Variants in C12orf42 observed in about 807,000 individuals in gnomAD.
C12orf42 encodes the protein uncharacterized protein C12orf42.
Under a neutral mutation model 21.6 loss-of-function variants are expected in C12orf42, and 25 were observed. The observed-to-expected ratio is 1.16, with a 90% CI of 0.84 to 1.62. The LOEUF is 1.62. C12orf42 is among the 40% of genes most tolerant of loss of function. The pLI is 0.00. For synonymous variants in C12orf42, 174 were observed against 175.0 expected (o/e 0.99, Z 0.05); for missense variants, 483 against 459.3 (o/e 1.05, Z -0.47).
At chr12:103,177,570 C>T in the C12orf42 span, among the ~76,000 whole-genome samples, 1 of 152,164 alleles carries the variant, frequency 6.6e-6, no homozygotes, top group Non-Finnish European at 1.5e-5. Flanking sequence ...ATTGTGAAAG[C>T]ATAGAACTGC....
At chr12:103,545,074 G>A in the C12orf42 span, among the ~76,000 whole-genome samples, 2 of 152,264 alleles carry the variant, frequency 1.3e-5, no homozygotes, top group African/African-American at 4.8e-5. Flanking sequence ...AATGGAAAGT[G>A]TCTTTAGTAA....
the C12orf42 span, among the ~76,000 whole-genome samples, chr12:103,050,219 GGTGTGTGTGTGT>G: frequency 1.2e-4 from 18 of 148,648 alleles, 1 homozygote; most frequent in African/African-American, 9.9e-5. Flanking sequence ...TTTTCTCACA[GGTGTGTGTGTGT>G]GTGTGTGTGT....
chr12:103,110,780 T>G, the C12orf42 span, among the ~76,000 whole-genome samples: 1 of 152,308 alleles, frequency 6.6e-6, no homozygotes, highest in Non-Finnish European at 1.5e-5. Flanking sequence ...ACTTGCTACA[T>G]TTTAAACTTG....
chr12:103,309,274 C>G (rs1029011810), intron 4 of C12orf42, among the ~76,000 whole-genome samples: 10 of 152,162 alleles, frequency 6.6e-5, no homozygotes, highest in African/African-American at 2.4e-4. Context: ...CCTCCTCTTC[C>G]TCTTCCTCCT....
chr12:103,148,050 G>T, the C12orf42 span, among the ~76,000 whole-genome samples: 1 of 152,102 alleles, frequency 6.6e-6, no homozygotes, highest in South Asian at 2.1e-4. Flanking sequence ...AAGTACAGAT[G>T]GTAGAATCAT....
the C12orf42 span, among the ~76,000 whole-genome samples, chr12:103,539,046 A>G: frequency 6.6e-6 from 1 of 152,234 alleles, no homozygotes; most frequent in Non-Finnish European, 1.5e-5. Flanking sequence ...CAGGATATCC[A>G]AAAGTTCTGT....
chr12:103,333,734 TAAA>T (rs888429057), intron 4 of C12orf42, among the ~76,000 whole-genome samples: 1 of 147,694 alleles, frequency 6.8e-6, no homozygotes, highest in Non-Finnish European at 1.5e-5. Context: ...TGTAAAAAGA[TAAA>T]AAAAAAAATT....
the C12orf42 span, among the ~76,000 whole-genome samples, chr12:103,221,049 TAGTTTTAACATCTTC>T: frequency 6.6e-6 from 1 of 152,358 alleles, no homozygotes; most frequent in East Asian, 1.9e-4. Context: ...GGTTTGCTTG[TAGTTTTAACATCTTC>T]AGCAACAGCT....
At chr12:103,071,915 A>G in the C12orf42 span, among the ~76,000 whole-genome samples, 3 of 152,160 alleles carry the variant, frequency 2.0e-5, no homozygotes, top group Non-Finnish European at 4.4e-5. Flanking sequence ...AAACCTGATG[A>G]AAAAATGTGT....
chr12:103,068,035 G>C, the C12orf42 span, among the ~76,000 whole-genome samples: 1 of 152,148 alleles, frequency 6.6e-6, no homozygotes, highest in Non-Finnish European at 1.5e-5. Flanking sequence ...ATGAAGGTTT[G>C]TGTCACTCCA....
chr12:103,101,811 G>C, the C12orf42 span, among the ~76,000 whole-genome samples: 1 of 152,310 alleles, frequency 6.6e-6, no homozygotes, highest in South Asian at 2.1e-4. Flanking sequence ...TTCTGGTGTT[G>C]GCTGGATTTA....
At chr12:103,519,122 G>A in the C12orf42 span, among the ~76,000 whole-genome samples, 4 of 152,134 alleles carry the variant, frequency 2.6e-5, no homozygotes, top group East Asian at 5.8e-4. Context: ...CTTTTGCTTG[G>A]CACTTCTCCT....
chr12:103,168,017 T>C, the C12orf42 span: 5 of 453,418 alleles, frequency 1.1e-5, no homozygotes, highest in Non-Finnish European at 2.2e-5. Flanking sequence ...TCTGTTAATA[T>C]GTACATGCAT....
the C12orf42 span, among the ~76,000 whole-genome samples, chr12:103,060,240 G>C: frequency 4.6e-5 from 7 of 152,012 alleles, no homozygotes; most frequent in Non-Finnish European, 8.8e-5. Context: ...GCTACAAAGA[G>C]AATAAGATAC....
intron 2 of C12orf42, among the ~76,000 whole-genome samples, chr12:103,426,439 C>T (rs1592750788): frequency 6.6e-6 from 1 of 152,140 alleles, no homozygotes; most frequent in Non-Finnish European, 1.5e-5. Context: ...CAAACAAAGC[C>T]TCCAAGAAAT....
At chr12:103,101,149 CT>C in the C12orf42 span, among the ~76,000 whole-genome samples, 11 of 152,300 alleles carry the variant, frequency 7.2e-5, no homozygotes, top group African/African-American at 2.6e-4. Context: ...AAAAGAAGAC[CT>C]TGCAAGTTAG....
chr12:103,506,990 A>AATATATATATAT, the C12orf42 span, among the ~76,000 whole-genome samples: 1 of 7,452 alleles, frequency 1.3e-4, no homozygotes, highest in Non-Finnish European at 1.8e-4. Context: ...ATATTATATA[A>AATATATATATAT]ATATAATATA....
At chr12:103,171,251 T>G in the C12orf42 span, among the ~76,000 whole-genome samples, 1 of 152,160 alleles carries the variant, frequency 6.6e-6, no homozygotes. Context: ...ATAACTGAGA[T>G]TATATAAACA....
At chr12:103,053,933 A>C in the C12orf42 span, among the ~76,000 whole-genome samples, 1 of 151,920 alleles carries the variant, frequency 6.6e-6, no homozygotes, top group East Asian at 1.9e-4. Flanking sequence ...TTGTTTTCAA[A>C]ATTTTTATTT....
Sources: allele counts gnomAD v4.1 joint callset (sites outside exome capture counted in the v4.1 genomes callset), GRCh38; gene constraint gnomAD v4.1.1; transcripts MANE v1.5; gene names NCBI Gene and HGNC (gene_info 2026-07-23, HGNC 2026-07-21).